The following ARHGEF37 variants were observed in gnomAD, a reference collection of about 807,000 sequenced individuals.
ARHGEF37 encodes the protein Rho guanine nucleotide exchange factor (GEF) 37.
A neutral mutation model predicts 71.1 loss-of-function variants in ARHGEF37; 55 were observed. The ratio of observed to expected loss-of-function variants is 0.77; its 90% CI spans 0.62 to 0.97. The LOEUF (loss-of-function observed/expected upper bound fraction) is 0.97, where lower values mean the gene tolerates loss of function less well. ARHGEF37 is among the 50% of genes least tolerant of loss of function. The pLI is 0.00. For missense variants in ARHGEF37, 765 were observed against 836.8 expected, an observed-to-expected ratio of 0.91 and a Z score of 1.06; for synonymous variants, 327 against 350.6, an observed-to-expected ratio of 0.93 and a Z score of 0.75.
At chr5:149,629,554 C>T (rs191038800) in intron 12 of ARHGEF37, among the ~76,000 whole-genome samples, 98 of 152,140 alleles carry the variant, frequency 6.4e-4, no homozygotes, top group Non-Finnish European at 5.3e-4. Flanking sequence ...AGAAAAGGCC[C>T]AGTGACAGGA....
chr5:149,595,611 CTTG>C (rs1763523103), intron 1 of ARHGEF37, among the ~76,000 whole-genome samples: 1 of 152,122 alleles, frequency 6.6e-6, no homozygotes. Context: ...TACTCCTGCT[CTTG>C]TTGTTTCTGC....
rs952559350 is a variant in ARHGEF37 at position 149,571,914 on chromosome 5, A to G, written c.-12+19791A>G. ...GAGTGAGACCCTGTCTCAAAAAAAAAAAAAAAAAAAAAGAAGTTGACAAGC... is the reference window on the plus strand; with the variant it reads ...GAGTGAGACCCTGTCTCAAAAAAAAGAAAAAAAAAAAAGAAGTTGACAAGC... On this transcript the variant is annotated intron_variant, in intron 1 of 2. Coordinates refer to the ARHGEF37 transcript ENST00000505810. Among the ~76,000 whole-genome samples the G allele has an allele frequency of 2.8e-3, 428 of 150,726 alleles. 4 individuals carry two copies. The highest frequency in any genetic ancestry group is 0.01 in the African/African-American group (420 of 40,992).
intron 5 of ARHGEF37, among the ~76,000 whole-genome samples, chr5:149,617,302 C>T (rs1029695874): frequency 6.6e-6 from 1 of 152,186 alleles, no homozygotes; most frequent in Non-Finnish European, 1.5e-5. Flanking sequence ...AGATCAATCT[C>T]ATCCAAACCA....
At chr5:149,629,093 C>A in intron 12 of ARHGEF37, 127 bp downstream of exon 12, 3 of 1,254,602 alleles carry the variant, frequency 2.4e-6, no homozygotes, top group Non-Finnish European at 3.2e-6. Context: ...GAGACCAAGG[C>A]CTTGATCAAT....
At position 149,627,114 on chromosome 5, in the gene ARHGEF37, CCT is replaced by C. The variant is rs926733447; in HGVS notation, c.1504_1505del (p.Leu502GlufsTer118). On this transcript the variant is annotated frameshift_variant, in exon 11 of 13. Coordinates refer to ENST00000333677, the MANE Select transcript of ARHGEF37 (RefSeq NM_001001669.3). LOFTEE classifies it high-confidence loss of function. ...PGSERQVQAL[L>X]SRYGPGKLYQ... is the part of the protein sequence containing the mutation. ...GGTCTGAACGCCAGGTGCAGGCTCT[CCT>C]GAGCAGGTATGGCCCTGGGAAGCTG... is the stretch of plus-strand genomic sequence containing the variant. 2 of 1,614,012 alleles carry C rather than the reference CCT, an allele frequency of 1.2e-6. No individual in the cohort carries two copies. The highest frequency in any genetic ancestry group is 2.7e-5 in the African/African-American group (2 of 74,934).
At position 149,628,846 on chromosome 5, in the gene ARHGEF37, G is replaced by A; in HGVS notation, c.1698G>A (p.Leu566=). ...RGYVPAGKLQ[L]YHVVPSAEEL... ...ATGTGCCGGCTGGGAAACTACAGCT[G>A]TACCATGTGGTCCCCAGTGCAGAGG... The change falls in exon 12 of 13, where the codon CTG becomes CTA. Residue 566 remains leucine, a synonymous_variant. Transcript: ENST00000333677. The A allele has an allele frequency of 1.2e-6, 2 of 1,613,716 alleles. No individual in the cohort carries two copies. Among genetic ancestry groups the A allele is most frequent in the Non-Finnish European group, 1.7e-6 (2 of 1,179,962 alleles).
chr5:149,615,836 G>A (rs1002901741), intron 4 of ARHGEF37, among the ~76,000 whole-genome samples: 3 of 152,266 alleles, frequency 2.0e-5, no homozygotes, highest in Non-Finnish European at 1.5e-5. Context: ...AGGTTGCAGT[G>A]AGCCGAGATC....
intron 7 of ARHGEF37, 24 bp downstream of exon 7, chr5:149,619,066 A>C (rs776102180): frequency 1.6e-5 from 25 of 1,599,690 alleles, no homozygotes; most frequent in Non-Finnish European, 2.1e-5. Context: ...AGGGTTCATA[A>C]AGGGCGAGTC....
intron 12 of ARHGEF37, among the ~76,000 whole-genome samples, chr5:149,629,427 G>A (rs570060461): frequency 6.6e-6 from 1 of 152,338 alleles, no homozygotes; most frequent in South Asian, 2.1e-4. Flanking sequence ...CCTAGGTGTG[G>A]AGAGGTCCAG....
At chr5:149,628,289 T>C (rs937002470) in intron 11 of ARHGEF37, among the ~76,000 whole-genome samples, 2 of 152,208 alleles carry the variant, frequency 1.3e-5, no homozygotes, top group African/African-American at 2.4e-5. Context: ...ATGTGAAGAC[T>C]ATGTAATGAA....
intron 1 of ARHGEF37, among the ~76,000 whole-genome samples, chr5:149,587,894 CT>C (rs3994917): frequency 0.27 from 34,656 of 128,812 alleles, 4,245 homozygotes; most frequent in South Asian, 0.45. Flanking sequence ...TCCCTTTAGT[CT>C]TTTTTTTTTT....
chr5:149,628,757 A>G (rs1370404381), intron 11 of ARHGEF37, 52 bp from the exon 12 acceptor site: 1 of 1,552,078 alleles, frequency 6.4e-7, no homozygotes, highest in Non-Finnish European at 8.7e-7. Flanking sequence ...TCCCTCATTA[A>G]AAGGGACGGG....
At chr5:149,560,398 G>A (rs934584311) in intron 1 of ARHGEF37, among the ~76,000 whole-genome samples, 3 of 152,176 alleles carry the variant, frequency 2.0e-5, no homozygotes, top group Non-Finnish European at 4.4e-5. Context: ...ACAGGCGTGA[G>A]CCACCACACC....
intron 1 of ARHGEF37, among the ~76,000 whole-genome samples, chr5:149,563,321 A>T (rs1762859839): frequency 6.6e-6 from 1 of 152,138 alleles, no homozygotes; most frequent in Non-Finnish European, 1.5e-5. Context: ...TCCGAACCTG[A>T]TCTGAGCTCC....
At chr5:149,615,363 C>T (rs1010404437) in intron 4 of ARHGEF37, among the ~76,000 whole-genome samples, 5 of 150,662 alleles carry the variant, frequency 3.3e-5, no homozygotes, top group African/African-American at 1.2e-4. Flanking sequence ...GTCTTGAACT[C>T]CTGGCCTCAA....
intron 1 of ARHGEF37, among the ~76,000 whole-genome samples, chr5:149,569,455 G>A (rs1257714706): frequency 2.0e-5 from 3 of 148,900 alleles, no homozygotes; most frequent in Non-Finnish European, 3.0e-5. Context: ...CAGTAGCTGG[G>A]ACTACAGGCA....
At chr5:149,616,511 CCCCTGGTCCTCCA>C (rs1292709483) in intron 4 of ARHGEF37, 43 bp from the exon 5 acceptor site, 11 of 1,523,116 alleles carry the variant, frequency 7.2e-6, no homozygotes, top group Non-Finnish European at 9.8e-6. Flanking sequence ...CAGCCCAGGC[CCCCTGGTCCTCCA>C]GAGGGTGGGA....
chr5:149,582,972 C>T (rs1465322232), intron 1 of ARHGEF37, among the ~76,000 whole-genome samples: 1 of 152,170 alleles, frequency 6.6e-6, no homozygotes, highest in Non-Finnish European at 1.5e-5. Context: ...CACATACCTT[C>T]GTGATGGTAT....
chr5:149,614,978 T>C (rs542526047), intron 4 of ARHGEF37, among the ~76,000 whole-genome samples: 1 of 152,288 alleles, frequency 6.6e-6, no homozygotes, highest in African/African-American at 2.4e-5. Flanking sequence ...AATCTGGGCC[T>C]AGGGGCTACT....
Sources: allele counts gnomAD v4.1 joint callset (sites outside exome capture counted in the v4.1 genomes callset), GRCh38; gene constraint gnomAD v4.1.1; transcripts MANE v1.5; gene names NCBI Gene and HGNC (gene_info 2026-07-23, HGNC 2026-07-21).